Variants in MITF observed in about 807,000 individuals in gnomAD.
MITF encodes microphthalmia-associated transcription factor.
Under a neutral mutation model 60.5 loss-of-function variants are expected in MITF, and 17 were observed. That is an observed-to-expected ratio of 0.28 (90% CI 0.19 to 0.42). The LOEUF is 0.42. MITF is among the 10% of genes least tolerant of loss of function. The pLI is 1.00. For missense variants in MITF, 622 were observed against 683.5 expected, an observed-to-expected ratio of 0.91 and a Z score of 1.00; for synonymous variants, 260 against 248.5, an observed-to-expected ratio of 1.05 and a Z score of -0.43.
chr3:69,836,535 A>G (rs1046876494), intron 1 of MITF, among the ~76,000 whole-genome samples: 1 of 152,232 alleles, frequency 6.6e-6, no homozygotes, highest in Non-Finnish European at 1.5e-5. Flanking sequence ...ACTTGAATGA[A>G]CAAGAGAGTG....
chr3:69,793,711 T>G (rs1368053869), intron 1 of MITF, among the ~76,000 whole-genome samples: 1 of 152,230 alleles, frequency 6.6e-6, no homozygotes, highest in African/African-American at 2.4e-5. Context: ...TCACCAACAC[T>G]TGGCAACATG....
At chr3:69,832,999 G>A (rs1018205141) in intron 1 of MITF, among the ~76,000 whole-genome samples, 1 of 151,434 alleles carries the variant, frequency 6.6e-6, no homozygotes, top group Non-Finnish European at 1.5e-5. Context: ...CACACTGTAT[G>A]TGATTGTTTC....
rs757147401 is a variant in MITF at position 69,949,161 on chromosome 3, G to A, written c.873G>A (p.Glu291=). ...CCAACCTTCCCAACATAAAAAGGGA[G>A]CTCACAGGTAAACACCTAGTAAATG... ...CPANLPNIKR[E]LTACIFPTES... The change falls in exon 6 of 10, where the codon GAG becomes GAA. Residue 291 remains glutamate (E), a synonymous_variant. Coordinates refer to ENST00000352241, the MANE Select transcript of MITF (RefSeq NM_001354604.2). 6.2e-7 allele frequency: 1 copy of A among 1,610,786 alleles called. No homozygotes were observed. The highest frequency in any genetic ancestry group is 2.2e-5 in the East Asian group (1 of 44,828).
At chr3:69,926,589 C>T (rs925560720) in intron 2 of MITF, among the ~76,000 whole-genome samples, 7 of 152,006 alleles carry the variant, frequency 4.6e-5, no homozygotes, top group East Asian at 1.9e-4. Context: ...AAGACGTCTG[C>T]GATTCTGAGG....
chr3:69,942,467 C>CT lies in MITF; in HGVS notation c.762+1146dup, dbSNP rs112714072. ...AGTCTTATAGTTAGCATTTTCTTTTCTTTTTTTTTTAAATCCATCTTGATC... is the reference window on the plus strand; with the variant it reads ...AGTCTTATAGTTAGCATTTTCTTTTCTTTTTTTTTTTAAATCCATCTTGATC... On this transcript the variant is annotated intron_variant, in intron 5 of 9. Transcript: ENST00000352241. 7.9e-3 allele frequency among the ~76,000 whole-genome samples: 1,180 copies of CT among 149,140 alleles called. 8 individuals carry two copies. Among genetic ancestry groups the CT allele is most frequent in the African/African-American group, 0.027 (1,098 of 40,736 alleles).
At chr3:69,920,259 G>A (rs941279943) in intron 2 of MITF, among the ~76,000 whole-genome samples, 9 of 152,196 alleles carry the variant, frequency 5.9e-5, no homozygotes, top group Non-Finnish European at 1.2e-4. Flanking sequence ...TCTAGCGGTA[G>A]CGGAAAGTGT....
At chr3:69,794,104 T>A (rs1198271585) in intron 1 of MITF, among the ~76,000 whole-genome samples, 1 of 152,208 alleles carries the variant, frequency 6.6e-6, no homozygotes, top group Admixed American at 6.5e-5. Context: ...TCTCCTAGTA[T>A]CTTTTCTACA....
chr3:69,770,475 G>C (rs2062376401), intron 1 of MITF, among the ~76,000 whole-genome samples: 1 of 152,162 alleles, frequency 6.6e-6, no homozygotes, highest in African/African-American at 2.4e-5. Flanking sequence ...TAATAACTTG[G>C]AGTGATTTTG....
At chr3:69,790,958 G>A (rs141968438) in intron 1 of MITF, among the ~76,000 whole-genome samples, 2 of 152,100 alleles carry the variant, frequency 1.3e-5, no homozygotes, top group Non-Finnish European at 2.9e-5. Flanking sequence ...ATAATAGACC[G>A]TAGATGGTGG....
At position 69,863,340 on chromosome 3, in the gene MITF, C is replaced by T. The variant is rs190590782; in HGVS notation, c.105-15794C>T. 3.3e-5 allele frequency among the ~76,000 whole-genome samples: 5 copies of T among 152,238 alleles called. No individual in the cohort carries two copies. In the East Asian group the frequency reaches 7.7e-4, roughly 24 times the overall value. ...AAGCTTTGGTCCATTTGCTAGTGGA[C>T]GTTTCATTGCTGTATCCAAGAAGGT... On this transcript the variant is annotated intron_variant, in intron 1 of 9. Transcript: ENST00000352241.
chr3:69,930,878 T>C (rs2065707046), intron 2 of MITF, among the ~76,000 whole-genome samples: 1 of 152,360 alleles, frequency 6.6e-6, no homozygotes, highest in African/African-American at 2.4e-5. Flanking sequence ...TCTATGAATG[T>C]CAAGAGGACA....
intron 7 of MITF, among the ~76,000 whole-genome samples, chr3:69,952,732 C>T (rs1192552391): frequency 6.6e-6 from 1 of 152,140 alleles, no homozygotes; most frequent in African/African-American, 2.4e-5. Context: ...TAGACACATG[C>T]ACACAGAAAA....
At chr3:69,948,941 G>T in intron 5 of MITF, 110 bp from the exon 6 acceptor site, 1 of 802,300 alleles carries the variant, frequency 1.2e-6, no homozygotes. Context: ...ATGATTTTTT[G>T]TATCAAATAA....
chr3:69,936,766 T>C (rs1321813762), intron 2 of MITF: 1 of 1,611,894 alleles, frequency 6.2e-7, no homozygotes, highest in Non-Finnish European at 8.5e-7. Context: ...GTGAGATTTA[T>C]TCTGACTCAT....
intron 1 of MITF, among the ~76,000 whole-genome samples, chr3:69,781,773 C>G (rs1164784993): frequency 6.6e-6 from 1 of 152,204 alleles, no homozygotes; most frequent in Admixed American, 6.5e-5. Flanking sequence ...CAGGTGTTGG[C>G]AGGCGTTAGT....
intron 1 of MITF, among the ~76,000 whole-genome samples, chr3:69,819,791 G>A (rs1344686179): frequency 6.6e-6 from 1 of 151,884 alleles, no homozygotes; most frequent in Non-Finnish European, 1.5e-5. Context: ...GTGAAACCTC[G>A]TCTCTACTAA....
intron 9 of MITF, among the ~76,000 whole-genome samples, chr3:69,964,043 C>T (rs2066621498): frequency 7.7e-6 from 1 of 129,486 alleles, no homozygotes; most frequent in Non-Finnish European, 1.6e-5. Flanking sequence ...ATGGCGCAAT[C>T]TCGGCTCACT....
chr3:69,774,547 G>T (rs2062444673), intron 1 of MITF, among the ~76,000 whole-genome samples: 2 of 152,182 alleles, frequency 1.3e-5, no homozygotes, highest in South Asian at 4.1e-4. Context: ...TGGAGCCCTA[G>T]TCATTTTATC....
chr3:69,921,669 A>G (rs1181744169), intron 2 of MITF, among the ~76,000 whole-genome samples: 9 of 152,210 alleles, frequency 5.9e-5, no homozygotes, highest in Admixed American at 5.9e-4. Flanking sequence ...ATAACTCTTG[A>G]TAACTGTGAA....
Sources: allele counts gnomAD v4.1 joint callset (sites outside exome capture counted in the v4.1 genomes callset), GRCh38; gene constraint gnomAD v4.1.1; transcripts MANE v1.5; gene names NCBI Gene and HGNC (gene_info 2026-07-23, HGNC 2026-07-21).